THAP5: variants seen among roughly 807,000 people sequenced by gnomAD.
THAP5 encodes the protein THAP domain containing 5.
In THAP5, 26 loss-of-function variants were observed where a neutral mutation model predicts 34.0. The observed-to-expected ratio is 0.77, with a 90% confidence interval of 0.56 to 1.06. The LOEUF is 1.06. THAP5 is among the 50% of genes least tolerant of loss of function. The pLI, the probability that THAP5 is intolerant of heterozygous loss-of-function variation, is 0.00. For synonymous variants in THAP5, 125 were observed against 153.0 expected, an observed-to-expected ratio of 0.82 and a Z score of 1.35; for missense variants, 394 against 452.8, an observed-to-expected ratio of 0.87 and a Z score of 1.18.
At position 108,565,061 on chromosome 7, in the gene THAP5, T is replaced by G. The variant is rs1255682174; in HGVS notation, c.318A>C (p.Glu106Asp). ...CTTTTGGGCATACTTCTTTCTCATC[T>G]TCCAAGTTTTTCTTCTGGGATTTTT... Reference protein sequence around the residue: ...SKKKSQKKNLEDEKEVCPKAK... With the variant: ...SKKKSQKKNLDDEKEVCPKAK... Residue 106 changes from glutamate to aspartate, a missense_variant, in exon 3 of 3, where the codon GAA (glutamate) becomes GAC (aspartate). Glu to Asp is a conservative substitution (Grantham distance 45). Transcript: ENST00000415914. 1 of 1,523,736 alleles carries G rather than the reference T, an allele frequency of 6.6e-7. No individual in the cohort carries two copies. The highest frequency in any genetic ancestry group is 8.8e-7 in the Non-Finnish European group (1 of 1,136,752). 94.4% of individuals were successfully genotyped at this position (1,523,736 alleles called of 1,614,324 possible).
intron 2 of THAP5, 86 bp downstream of exon 2, chr7:108,565,744 G>T: frequency 9.4e-7 from 1 of 1,061,224 alleles, no homozygotes; most frequent in Non-Finnish European, 1.3e-6. Flanking sequence ...CCAAGTTATA[G>T]TTCCCTCTTA....
At chr7:108,567,076 T>C (rs1790502159) in intron 1 of THAP5, among the ~76,000 whole-genome samples, 2 of 152,108 alleles carry the variant, frequency 1.3e-5, no homozygotes, top group African/African-American at 2.4e-5. Flanking sequence ...CATCATTTTT[T>C]CCCCCTAAAT....
At chr7:108,566,156 A>G in intron 1 of THAP5, 134 bp from the exon 2 acceptor site, 2 of 657,614 alleles carry the variant, frequency 3.0e-6, no homozygotes, top group Non-Finnish European at 2.5e-6. Flanking sequence ...AACCATCCCT[A>G]CCAAATAAGA....
chr7:108,556,714 T>A (rs1471580551), intron 1 of THAP5, among the ~76,000 whole-genome samples: 1 of 152,166 alleles, frequency 6.6e-6, no homozygotes, highest in Non-Finnish European at 1.5e-5. Flanking sequence ...TCCAGGTGCA[T>A]GGGGGAAGCT....
chr7:108,544,752 G>T, the THAP5 span, among the ~76,000 whole-genome samples: 1 of 151,864 alleles, frequency 6.6e-6, no homozygotes, highest in Admixed American at 6.6e-5. Flanking sequence ...CTGCCTCTTG[G>T]GCTTAAGCAA....
At chr7:108,569,329 A>C in intron 1 of THAP5, 161 bp downstream of exon 1, 2 of 1,468,628 alleles carry the variant, frequency 1.4e-6, no homozygotes, top group Admixed American at 4.8e-5. Context: ...ATTGCTAGCT[A>C]AACTGAACTA....
At position 108,564,965 on chromosome 7, in the gene THAP5, T is replaced by C. The variant is rs563427104; in HGVS notation, c.414A>G (p.Gln138=). The change falls in exon 3 of 3, where the codon CAA becomes CAG. Residue 138 remains glutamine, a synonymous_variant. Transcript: ENST00000415914. ...AAGATGAATGAAGTAATTCTGGATGTTGATGGGGCACATCTGTGTTAACTA... is the reference window on the plus strand; with the variant it reads ...AAGATGAATGAAGTAATTCTGGATGCTGATGGGGCACATCTGTGTTAACTA... The part of the protein sequence containing the change: ...KNIVNTDVPH[Q]HPELLHSSSL... 24 of 1,558,312 alleles carry C rather than the reference T, an allele frequency of 1.5e-5. 1 individual carries two copies. The South Asian group carries it at 2.8e-4, about 18-fold the overall frequency.
downstream of THAP5, among the ~76,000 whole-genome samples, chr7:108,551,615 T>C (rs1864354246): frequency 6.6e-6 from 1 of 152,252 alleles, no homozygotes; most frequent in South Asian, 2.1e-4. Flanking sequence ...CAATTGTCTG[T>C]TGACTATCAG....
At position 108,566,608 on chromosome 7, in the gene THAP5, A is replaced by G. The variant is rs776850529; in HGVS notation, c.81-586T>C. On this transcript the variant is annotated intron_variant, in intron 1 of 2. Coordinates refer to ENST00000415914, the MANE Select transcript of THAP5 (RefSeq NM_001130475.3). ...TTCTATCTATAAGTAATCTAGTCTA[A>G]TAGTACTACACTTCTATAACCAATG... Among the ~76,000 whole-genome samples the G allele has an allele frequency of 4.8e-4, 73 of 152,308 alleles. 1 individual carries two copies. Among genetic ancestry groups the G allele is most frequent in the Admixed American group, 1.5e-3 (23 of 15,306 alleles).
the THAP5 span, among the ~76,000 whole-genome samples, chr7:108,548,371 T>C: frequency 6.6e-6 from 1 of 152,110 alleles, no homozygotes; most frequent in South Asian, 2.1e-4. Context: ...AGCTTATACT[T>C]TGGGGATAAA....
downstream of THAP5, among the ~76,000 whole-genome samples, chr7:108,561,457 C>T (rs1406356846): frequency 1.4e-5 from 2 of 144,546 alleles, no homozygotes; most frequent in African/African-American, 5.2e-5. Context: ...TTTCTAGAGA[C>T]AGGGTTTCAC....
At chr7:108,556,399 A>G (rs1318755696) in intron 1 of THAP5, among the ~76,000 whole-genome samples, 2 of 152,202 alleles carry the variant, frequency 1.3e-5, no homozygotes, top group African/African-American at 4.8e-5. Flanking sequence ...AAATGAATCA[A>G]AAACAAGTCA....
intron 1 of THAP5, among the ~76,000 whole-genome samples, chr7:108,567,355 CTTTT>C (rs1790507297): frequency 6.6e-6 from 1 of 152,082 alleles, no homozygotes; most frequent in African/African-American, 2.4e-5. Flanking sequence ...AAATTCATTT[CTTTT>C]GTTACAACTG....
At chr7:108,545,969 A>G in the THAP5 span, among the ~76,000 whole-genome samples, 1 of 152,142 alleles carries the variant, frequency 6.6e-6, no homozygotes, top group Non-Finnish European at 1.5e-5. Context: ...GATAGAGTTG[A>G]GATACACAGT....
Position 108,569,627 on chromosome 7 carries a change from C to T in THAP5, c.-58G>A. The T allele has an allele frequency of 6.5e-7, 1 of 1,543,412 alleles. No homozygotes were observed. The highest frequency in any genetic ancestry group is 8.7e-7 in the Non-Finnish European group (1 of 1,144,732). ...GCGACGGATGCAGGGCGGCCCTCCT[C>T]ACTGAGGATGCGCCACAGGTCCAGG... is the stretch of plus-strand genomic sequence containing the variant. On this transcript the variant is annotated 5_prime_UTR_variant, in exon 1 of 3. It removes the in-frame stop codon of an upstream open reading frame in the 5' UTR. Coordinates refer to ENST00000415914, the MANE Select transcript of THAP5 (RefSeq NM_001130475.3).
chr7:108,541,961 TTTCTC>T, the THAP5 span, among the ~76,000 whole-genome samples: 13 of 152,230 alleles, frequency 8.5e-5, no homozygotes, highest in African/African-American at 2.9e-4. Flanking sequence ...ATGTTTTTCT[TTTCTC>T]TTCAAGATGA....
At chr7:108,546,816 C>T in the THAP5 span, among the ~76,000 whole-genome samples, 2 of 152,106 alleles carry the variant, frequency 1.3e-5, no homozygotes, top group Non-Finnish European at 2.9e-5. Flanking sequence ...TGTGATGATA[C>T]CTAGTAATGT....
rs1319754834 is a variant in THAP5, at chr7:108,569,555, G to A, written c.15C>T (p.Cys5=). Residue 5 remains cysteine (C), a synonymous_variant, in exon 1 of 3, where the codon TGC becomes TGT. Coordinates refer to ENST00000415914, the MANE Select transcript of THAP5 (RefSeq NM_001130475.3). The stretch of plus-strand genomic sequence containing the variant: ...GGCGGTTCTTACAACAAATCGCTGC[G>A]CAATAGCGGGGCATGACTCGGGTGA... MPRY[C]AAICCKNRRG... is the part of the protein sequence containing the mutation. 6.4e-7 allele frequency: 1 copy of A among 1,551,666 alleles called. No individual in the cohort carries two copies.
intron 1 of THAP5, chr7:108,569,283 C>T: frequency 7.0e-7 from 1 of 1,432,862 alleles, no homozygotes; most frequent in Non-Finnish European, 9.1e-7. Flanking sequence ...GCTCCTGGGC[C>T]TCGCCACCAG....
Sources: gnomAD v4.1 joint callset for allele counts (sites outside exome capture counted in the v4.1 genomes callset) on GRCh38, gnomAD v4.1.1 for gene constraint, MANE v1.5 for transcripts, NCBI Gene and HGNC (gene_info 2026-07-23, HGNC 2026-07-21) for gene names.